The following TNR variants were observed in gnomAD, a reference collection of about 807,000 sequenced individuals.
The protein encoded by TNR is tenascin R, also known as tenascin-R.
Under a neutral mutation model 150.4 loss-of-function variants are expected in TNR, and 45 were observed. The ratio of observed to expected loss-of-function variants is 0.30; its 90% CI spans 0.24 to 0.38. TNR has a LOEUF of 0.38. TNR is among the 10% of genes least tolerant of loss of function. TNR has a pLI of 1.00. For missense variants in TNR, 1,544 were observed against 1,759.1 expected, an observed-to-expected ratio of 0.88 and a Z score of 2.19; for synonymous variants, 687 against 678.4, an observed-to-expected ratio of 1.01 and a Z score of -0.20.
At chr1:175,735,771 G>A (rs1558097552) in intron 1 of TNR, among the ~76,000 whole-genome samples, 1 of 152,174 alleles carries the variant, frequency 6.6e-6, no homozygotes, top group Non-Finnish European at 1.5e-5. Flanking sequence ...CTGGAGGGAG[G>A]GGAAGGTAGA....
chr1:175,391,170 C>T, intron 7 of TNR, 118 bp downstream of exon 7: 1 of 1,333,574 alleles, frequency 7.5e-7, no homozygotes, highest in South Asian at 1.5e-5. Context: ...CCAGAATTGT[C>T]CCAGCTCTAG....
At position 175,428,261 on chromosome 1, in the gene TNR, T is replaced by A. The variant is rs1007313284; in HGVS notation, c.-63-21484A>T. ...GCTTGTCCCTCTTTGTCCTTAATGGTCTTCCTTTTTAATTCTTGCTGTACT... is the reference window on the plus strand; with the variant it reads ...GCTTGTCCCTCTTTGTCCTTAATGGACTTCCTTTTTAATTCTTGCTGTACT... On this transcript the variant is annotated intron_variant, in intron 2 of 22. Coordinates refer to ENST00000367674, the MANE Select transcript of TNR (RefSeq NM_003285.3). Among the ~76,000 whole-genome samples, 18 of 152,186 alleles carry A rather than the reference T, an allele frequency of 1.2e-4. No individual in the cohort carries two copies. In the South Asian group the frequency reaches 1.2e-3, roughly 11 times the overall value.
intron 2 of TNR, among the ~76,000 whole-genome samples, chr1:175,502,460 G>T (rs539590128): frequency 1.3e-4 from 20 of 152,242 alleles, no homozygotes; most frequent in Non-Finnish European, 2.1e-4. Flanking sequence ...CAAACTCGGG[G>T]CTCCTTGCCT....
At chr1:175,372,827 T>C (rs1652168258) in intron 9 of TNR, among the ~76,000 whole-genome samples, 1 of 152,180 alleles carries the variant, frequency 6.6e-6, no homozygotes, top group African/African-American at 2.4e-5. Flanking sequence ...CTCCCAAGTG[T>C]CTGTGAAGCT....
rs145681667 is a variant in TNR at position 175,487,047 on chromosome 1, C to A, written c.-64+41222G>T. Among the ~76,000 whole-genome samples, 1,150 of 152,140 alleles carry A rather than the reference C, an allele frequency of 7.6e-3. 9 individuals are homozygous for A. Among genetic ancestry groups the A allele is most frequent in the African/African-American group, 0.026 (1,095 of 41,500 alleles). ...AGCCCTTTGTCAGATGGGTAGATTG[C>A]GAAATTTTTCTCCCATTCTGTAGGT... On this transcript the variant is annotated intron_variant, in intron 2 of 22. Transcript: ENST00000367674.
At chr1:175,558,535 A>G (rs906217639) in intron 1 of TNR, among the ~76,000 whole-genome samples, 4 of 152,196 alleles carry the variant, frequency 2.6e-5, no homozygotes, top group Non-Finnish European at 5.9e-5. Context: ...ACTCTAACTC[A>G]AAGTCATATT....
intron 13 of TNR, among the ~76,000 whole-genome samples, chr1:175,363,045 G>A (rs12406012): frequency 2.0e-5 from 3 of 152,098 alleles, no homozygotes; most frequent in Non-Finnish European, 2.9e-5. Flanking sequence ...CCTATTAAGT[G>A]GTTTTCTAAC....
At chr1:175,392,426 C>G (rs1285592533) in intron 6 of TNR, among the ~76,000 whole-genome samples, 1 of 152,178 alleles carries the variant, frequency 6.6e-6, no homozygotes, top group Non-Finnish European at 1.5e-5. Flanking sequence ...AACCATGTGG[C>G]CATGCATTTG....
chr1:175,329,963 A>G lies in TNR; in HGVS notation c.3793+111T>C, dbSNP rs1266059752. The G allele has an allele frequency of 2.5e-6, 3 of 1,191,220 alleles. No individual in the cohort carries two copies. In the African/African-American group the frequency reaches 4.6e-5, roughly 18 times the overall value. 73.8% of individuals were successfully genotyped at this position (1,191,220 alleles called of 1,614,324 possible). ...CCTTCTTCTCCCTGGCCAGCAGCGA[A>G]TGCTGGAACTCTGTGGGTGCTGCTG... is the stretch of plus-strand genomic sequence containing the variant. On this transcript the variant is annotated intron_variant, in intron 21 of 22. Coordinates refer to ENST00000367674, the MANE Select transcript of TNR (RefSeq NM_003285.3).
Position 175,517,654 on chromosome 1 carries a change from T to C in TNR, c.-64+10615A>G, listed in dbSNP as rs548137407. On this transcript the variant is annotated intron_variant, in intron 2 of 22. Transcript: ENST00000367674. ...CGAATCTGTATTTTTGTAAAAGCTG[T>C]CCTATTGGTTTTGGTTTTAGTATAG... 2.4e-4 allele frequency among the ~76,000 whole-genome samples: 36 copies of C among 152,314 alleles called. 2 individuals are homozygous for C. In the South Asian group the frequency reaches 7.3e-3, roughly 31 times the overall value.
chr1:175,378,748 A>T (rs540260264), intron 9 of TNR, among the ~76,000 whole-genome samples: 2 of 152,318 alleles, frequency 1.3e-5, no homozygotes, highest in African/African-American at 4.8e-5. Context: ...CATGGGTGGG[A>T]GGTGAGCCTG....
intron 1 of TNR, among the ~76,000 whole-genome samples, chr1:175,601,339 A>T (rs1239227018): frequency 2.0e-5 from 3 of 152,298 alleles, no homozygotes; most frequent in Non-Finnish European, 4.4e-5. Context: ...GGCCACTATT[A>T]CACAAAACTT....
At chr1:175,555,046 T>C (rs1661097053) in intron 1 of TNR, among the ~76,000 whole-genome samples, 1 of 152,186 alleles carries the variant, frequency 6.6e-6, no homozygotes, top group Non-Finnish European at 1.5e-5. Flanking sequence ...AAGCAACTTG[T>C]ATAGATTTTC....
At chr1:175,576,497 T>G (rs1213578303) in intron 1 of TNR, among the ~76,000 whole-genome samples, 1 of 152,146 alleles carries the variant, frequency 6.6e-6, no homozygotes, top group African/African-American at 2.4e-5. Context: ...TCAGAAATAT[T>G]CTTTCAGGAC....
chr1:175,348,334 A>C (rs1007982570), intron 18 of TNR, among the ~76,000 whole-genome samples: 3 of 152,196 alleles, frequency 2.0e-5, no homozygotes, highest in African/African-American at 7.2e-5. Flanking sequence ...GTTCTCCCCA[A>C]ATTAATTTAT....
chr1:175,384,125 C>T (rs1232678281), intron 8 of TNR, among the ~76,000 whole-genome samples: 4 of 152,180 alleles, frequency 2.6e-5, no homozygotes, highest in Non-Finnish European at 5.9e-5. Context: ...CTCCTTTTTG[C>T]CGCTTCAAAC....
At chr1:175,679,873 T>C (rs1449242373) in intron 1 of TNR, among the ~76,000 whole-genome samples, 7 of 152,220 alleles carry the variant, frequency 4.6e-5, no homozygotes, top group Non-Finnish European at 1.0e-4. Flanking sequence ...GCCTGAATGA[T>C]AGCAGTGCCA....
chr1:175,602,203 CAAAA>C (rs57341654), intron 1 of TNR, among the ~76,000 whole-genome samples: 2 of 30,530 alleles, frequency 6.6e-5, no homozygotes, highest in Non-Finnish European at 7.1e-5. Flanking sequence ...GGACCAAAGG[CAAAA>C]AAAAAAAAAA....
intron 2 of TNR, among the ~76,000 whole-genome samples, chr1:175,463,553 A>G (rs1227397378): frequency 1.3e-5 from 2 of 152,192 alleles, no homozygotes; most frequent in Non-Finnish European, 2.9e-5. Context: ...TCCACTTATC[A>G]TATCCTTACC....
Sources: gnomAD v4.1 joint callset for allele counts (sites outside exome capture counted in the v4.1 genomes callset) on GRCh38, gnomAD v4.1.1 for gene constraint, MANE v1.5 for transcripts, NCBI Gene and HGNC (gene_info 2026-07-23, HGNC 2026-07-21) for gene names.